The following RASAL3 variants were observed in gnomAD, a reference collection of about 807,000 sequenced individuals.
The protein encoded by RASAL3 is RAS protein activator like 3.
RASAL3 carries 74 observed loss-of-function variants against 105.5 expected under a neutral mutation model. That is an observed-to-expected ratio of 0.70 (90% CI 0.58 to 0.85). RASAL3 has a LOEUF of 0.85. Among genes scored for constraint, RASAL3 ranks in the 40% least tolerant of loss-of-function variants. The pLI, the probability that RASAL3 is intolerant of heterozygous loss-of-function variation, is 0.00. For missense variants in RASAL3, 1,352 were observed against 1,392.0 expected, an observed-to-expected ratio of 0.97 and a Z score of 0.46; for synonymous variants, 579 against 591.6, an observed-to-expected ratio of 0.98 and a Z score of 0.31.
Position 15,457,641 on chromosome 19 carries a change from G to A in RASAL3, c.1082C>T (p.Pro361Leu). The change falls in exon 9 of 18, where the codon CCA (proline) becomes CTA (leucine). Residue 361 changes from proline (P) to leucine (L), a missense_variant. Pro to Leu is a moderately conservative substitution (Grantham distance 98). Transcript: ENST00000343625. The surrounding 1 kb of genome is among the most constrained non-coding windows in gnomAD (Gnocchi z 8.6). Reference sequence around the variant, plus strand: ...CCGCAGCGACAGGCGACGTGCCGGTGGCAGCGCCTCGAAGTGGAAGCGCTC... The same window carrying A: ...CCGCAGCGACAGGCGACGTGCCGGTAGCAGCGCCTCGAAGTGGAAGCGCTC... ...WAERFHFEALPPARRLSLRLR... is the reference protein window; with the variant it reads ...WAERFHFEALLPARRLSLRLR... 1 of 1,418,102 alleles carries A rather than the reference G, an allele frequency of 7.1e-7. No individual in the cohort carries two copies. Among genetic ancestry groups the A allele is most frequent in the East Asian group, 3.4e-5 (1 of 29,002 alleles). The allele number at this position is 1,418,102 out of a possible 1,614,324, so 87.8% of individuals were successfully genotyped here. A position where few individuals can be genotyped will look rare whatever the true frequency, so the allele number is the denominator to read the frequency against.
At chr19:15,460,162 G>C (rs1970463398) in intron 6 of RASAL3, 41 bp downstream of exon 6, 2 of 1,548,270 alleles carry the variant, frequency 1.3e-6, no homozygotes, top group East Asian at 4.7e-5. Flanking sequence ...GGAGGGGCCA[G>C]TGTTGAACCC....
intron 2 of RASAL3, among the ~76,000 whole-genome samples, chr19:15,461,988 CTTTT>C (rs1445738184): frequency 6.6e-6 from 1 of 152,116 alleles, no homozygotes; most frequent in South Asian, 2.1e-4. Context: ...CTCTCTCTCT[CTTTT>C]TTTGTTTTTT....
rs1031507809 is a variant in RASAL3 at position 15,453,142 on chromosome 19, T to C, written c.2635A>G (p.Asn879Asp). The part of the protein sequence containing the change: ...QRQMDQPQDR[N>D]QALGTHRPVN... ...GGTCGGTGCGTGCCCAGTGCCTGGT[T>C]TCGGTCTTGCGGCTGGTCCATTTGG... Residue 879 changes from asparagine to aspartate, a missense_variant, in exon 15 of 18, where the codon AAC becomes GAC. By Grantham distance (23) the Asn-to-Asp change is conservative. Coordinates refer to ENST00000343625, the MANE Select transcript of RASAL3 (RefSeq NM_022904.3). The surrounding 1 kb of genome is among the most constrained non-coding windows in gnomAD (Gnocchi z 4.2). 1 of 1,613,682 alleles carries C rather than the reference T, an allele frequency of 6.2e-7. No individual in the cohort carries two copies. Among genetic ancestry groups the C allele is most frequent in the East Asian group, 2.2e-5 (1 of 44,860 alleles).
chr19:15,454,600 C>G (rs755860340), intron 12 of RASAL3, 38 bp from the exon 13 acceptor site: 1 of 1,612,480 alleles, frequency 6.2e-7, no homozygotes, highest in Non-Finnish European at 8.5e-7. Flanking sequence ...AGGTCAGGCA[C>G]CTGCCACCCC....
chr19:15,451,642 T>TTCAG lies in RASAL3; in HGVS notation c.*152_*153insCTGA. 1.3e-6 allele frequency: 1 copy of TTCAG among 760,912 alleles called. No individual in the cohort carries two copies. Among genetic ancestry groups the TTCAG allele is most frequent in the South Asian group, 2.7e-5 (1 of 37,426 alleles). 47.1% of individuals were successfully genotyped at this position (760,912 alleles called of 1,614,324 possible). ...CCACCAATTTCACTGAAATCAAGAT[T>TTCAG]TTACTGGGCAACTTCATACTGCCAG... On this transcript the variant is annotated 3_prime_UTR_variant, in exon 18 of 18. Transcript: ENST00000343625.
rs919029534 is a variant in RASAL3 at position 15,456,148 on chromosome 19, C to T, written c.1677G>A (p.Arg559=). The change falls in exon 11 of 18, where the codon CGG becomes CGA. Residue 559 remains arginine, a synonymous_variant. Coordinates refer to ENST00000343625, the MANE Select transcript of RASAL3 (RefSeq NM_022904.3). The surrounding 1 kb of genome is among the most constrained non-coding windows in gnomAD (Gnocchi z 4.4). The part of the protein sequence containing the change: ...SELPEHQARL[R]NSCEEVFETI... ...TTTCGAAGACCTCCTCGCAGCTGTT[C>T]CGAAGTCTGGCCTGGTGCTCTGGCA... The T allele has an allele frequency of 5.6e-6, 9 of 1,613,722 alleles. No individual in the cohort carries two copies. The highest frequency in any genetic ancestry group is 6.8e-6 in the Non-Finnish European group (8 of 1,179,838).
chr19:15,460,657 C>T (rs1970479060), intron 5 of RASAL3, among the ~76,000 whole-genome samples: 1 of 152,132 alleles, frequency 6.6e-6, no homozygotes, highest in African/African-American at 2.4e-5. Flanking sequence ...GTTGGGATTA[C>T]AGGTGTGAAC....
At chr19:15,460,953 G>A in intron 5 of RASAL3, 107 bp downstream of exon 5, 3 of 985,432 alleles carry the variant, frequency 3.0e-6, no homozygotes, top group Non-Finnish European at 4.8e-6. Flanking sequence ...GGCCCAAAGA[G>A]GGTCAGCAAC....
chr19:15,452,697 C>G lies in RASAL3; in HGVS notation c.2789G>C (p.Arg930Pro), dbSNP rs905384362. 6.4e-7 allele frequency: 1 copy of G among 1,552,054 alleles called. No homozygotes were observed. The highest frequency in any genetic ancestry group is 2.0e-5 in the Admixed American group (1 of 51,196). ...GGAGTCCAGATCCTGCAGCTGGCCC[C>G]GCAGCTGCTCCTGCTGCTCCGTCAA... ...RALTEQQEQL[R>P]GQLQDLDSRL... Residue 930 changes from arginine to proline, a missense_variant, in exon 16 of 18, where the codon CGG becomes CCG. By Grantham distance (103) the Arg-to-Pro change is moderately radical. Transcript: ENST00000343625.
In RASAL3 at chr19:15,451,773, G is replaced by A. The variant is rs1157017364; in HGVS notation, c.*22C>T. On this transcript the variant is annotated 3_prime_UTR_variant, in exon 18 of 18. Coordinates refer to ENST00000343625, the MANE Select transcript of RASAL3 (RefSeq NM_022904.3). ...CTATCTCTCTGCTCCCAGACCACGT[G>A]TGATGAGGCAGGATGGGCAGCTCAG... The A allele has an allele frequency of 6.3e-7, 1 of 1,577,426 alleles. No individual in the cohort carries two copies. Among genetic ancestry groups the A allele is most frequent in the East Asian group, 2.3e-5 (1 of 44,078 alleles).
Position 15,457,894 on chromosome 19 carries a change from A to T in RASAL3, c.889-60T>A. On this transcript the variant is annotated intron_variant, in intron 8 of 17. Transcript: ENST00000343625. The surrounding 1 kb of genome is among the most constrained non-coding windows in gnomAD (Gnocchi z 8.6). ...GGTTTGTTGGCACCCCAAAGAAGGC[A>T]CCGCAAGTGAAGCGTGGAGCCTCAA... 6.5e-7 allele frequency: 1 copy of T among 1,526,820 alleles called. No individual in the cohort carries two copies. The highest frequency in any genetic ancestry group is 8.8e-7 in the Non-Finnish European group (1 of 1,131,356). 94.6% of individuals were successfully genotyped at this position (1,526,820 alleles called of 1,614,324 possible).
intron 8 of RASAL3, chr19:15,458,099 G>T: frequency 1.6e-6 from 1 of 628,052 alleles, no homozygotes; most frequent in East Asian, 2.7e-5. Context: ...TGCCTGGCAG[G>T]CAGGGCTTTG....
chr19:15,458,893 A>G (rs1190499213), intron 6 of RASAL3, among the ~76,000 whole-genome samples: 1 of 151,490 alleles, frequency 6.6e-6, no homozygotes, highest in Non-Finnish European at 1.5e-5. Context: ...CACCTAATCC[A>G]TCACTTTCTG....
chr19:15,454,437 T>TCCA lies in RASAL3; in HGVS notation c.2083_2084insTGG (p.Gln695delinsLeuGlu). Reference sequence around the variant, plus strand: ...CTGGAGGGCCAGATCACCACTGCCCTGGTAACCACTGGGGGCAGCATCCAC... The same window carrying TCCA: ...CTGGAGGGCCAGATCACCACTGCCCTCCAGGTAACCACTGGGGGCAGCATCCAC... On this transcript the variant is annotated protein_altering_variant, in exon 13 of 18. Transcript: ENST00000343625. 6.2e-7 allele frequency: 1 copy of TCCA among 1,613,994 alleles called. No individual in the cohort carries two copies. The highest frequency in any genetic ancestry group is 8.5e-7 in the Non-Finnish European group (1 of 1,179,882).
chr19:15,464,014 G>C lies in RASAL3; in HGVS notation c.328+17C>G. The C allele has an allele frequency of 2.6e-6, 4 of 1,532,454 alleles. No individual in the cohort carries two copies. The highest frequency in any genetic ancestry group is 3.5e-6 in the Non-Finnish European group (4 of 1,140,848). 94.9% of individuals were successfully genotyped at this position (1,532,454 alleles called of 1,614,324 possible). A position where few individuals can be genotyped will look rare whatever the true frequency, so the allele number is the denominator to read the frequency against. ...CTTCCCAGCCCGGCCCAAGCTCAGG[G>C]TGGGGGAACCATGTACCTGGGGCCT... On this transcript the variant is annotated intron_variant, in intron 2 of 17. Transcript: ENST00000343625.
Position 15,454,826 on chromosome 19 carries a change from C to T in RASAL3, c.1789G>A (p.Glu597Lys). 6.3e-7 allele frequency: 1 copy of T among 1,587,932 alleles called. No individual in the cohort carries two copies. The highest frequency in any genetic ancestry group is 8.6e-7 in the Non-Finnish European group (1 of 1,167,494). ...CACACCAGTCGGGGGCCCAGCACCT[C>T]AGAGCCACGTTCTTTACATGCTTCT... is the stretch of plus-strand genomic sequence containing the variant. ...WREACKERGS[E>K]VLGPRLVCAS... Residue 597 changes from glutamate (E) to lysine (K), a missense_variant, in exon 12 of 18, where the codon GAG becomes AAG. Glu to Lys is a moderately conservative substitution (Grantham distance 56). Around this residue, in one of 3 missense-constraint regions of RASAL3, gnomAD observed 920 missense variants for 919.6 expected, o/e 1.00. Coordinates refer to ENST00000343625, the MANE Select transcript of RASAL3 (RefSeq NM_022904.3).
At position 15,454,391 on chromosome 19, in the gene RASAL3, C is replaced by G; in HGVS notation, c.2130G>C (p.Gln710His). Residue 710 changes from glutamine to histidine, a missense_variant, in exon 13 of 18, where the codon CAG (glutamine) becomes CAC (histidine). By Grantham distance (24) the Gln-to-His change is conservative (BLOSUM62 0). Transcript: ENST00000343625. Reference sequence around the variant, plus strand: ...CAAGCTCAGCAAAAATTGTACAGAGCTGGGCATGCAGGACAGCTAACTGGA... The same window carrying G: ...CAAGCTCAGCAAAAATTGTACAGAGGTGGGCATGCAGGACAGCTAACTGGA... ...LALQLAVLHAQLCTIFAELDQ... is the reference protein window; with the variant it reads ...LALQLAVLHAHLCTIFAELDQ... The G allele has an allele frequency of 6.2e-7, 1 of 1,613,464 alleles. No individual in the cohort carries two copies. The highest frequency in any genetic ancestry group is 8.5e-7 in the Non-Finnish European group (1 of 1,179,662).
rs1255470237 is a variant in RASAL3 at position 15,457,762 on chromosome 19, C to T, written c.961G>A (p.Ala321Thr). Residue 321 changes from alanine to threonine, a missense_variant, in exon 9 of 18, where the codon GCG becomes ACG. By Grantham distance (58) the Ala-to-Thr change is moderately conservative (BLOSUM62 0). Coordinates refer to ENST00000343625, the MANE Select transcript of RASAL3 (RefSeq NM_022904.3). This position sits in a 1 kb window ranked among gnomAD's most constrained non-coding sequence, Gnocchi z 8.6. Reference protein sequence around the residue: ...HEAKGLPRAAAGAPGVRAELW... With the variant: ...HEAKGLPRAATGAPGVRAELW... ...TCGGCGCGCACGCCGGGTGCCCCCGCCGCTGCTCGGGGAAGCCCCTTCGCT... is the reference window on the plus strand; with the variant it reads ...TCGGCGCGCACGCCGGGTGCCCCCGTCGCTGCTCGGGGAAGCCCCTTCGCT... 3 of 1,545,976 alleles carry T rather than the reference C, an allele frequency of 1.9e-6. No homozygotes were observed. Among genetic ancestry groups the T allele is most frequent in the Non-Finnish European group, 2.6e-6 (3 of 1,145,842 alleles).
In RASAL3 at chr19:15,451,732, A is replaced by AC. The variant is rs571741254; in HGVS notation, c.*62dup. 59 of 1,529,620 alleles carry AC rather than the reference A, an allele frequency of 3.9e-5. 1 individual carries two copies. The highest frequency in any genetic ancestry group is 3.4e-4 in the African/African-American group (25 of 72,910). 94.8% of individuals were successfully genotyped at this position (1,529,620 alleles called of 1,614,324 possible). A position where few individuals can be genotyped will look rare whatever the true frequency, so the allele number is the denominator to read the frequency against. The stretch of plus-strand genomic sequence containing the variant: ...AAGTAGGGCTAAGGCAAAGTCAGAC[A>AC]CCCCCCCTAAGATGGCTATCTCTCT... On this transcript the variant is annotated 3_prime_UTR_variant, in exon 18 of 18. Transcript: ENST00000343625.
Sources: gnomAD v4.1 joint callset for allele counts (sites outside exome capture counted in the v4.1 genomes callset) on GRCh38, gnomAD v4.1.1 for gene constraint, gnomAD v4.1.1 regional missense constraint, Gnocchi (gnomAD v3.1) non-coding constraint, MANE v1.5 for transcripts, NCBI Gene and HGNC (gene_info 2026-07-23, HGNC 2026-07-21) for gene names.